Variants in SI observed in about 807,000 individuals in gnomAD.
SI encodes sucrase-isomaltase, also known as sucrase-isomaltase, intestinal.
A neutral mutation model predicts 253.3 loss-of-function variants in SI; 235 were observed. The ratio of observed to expected loss-of-function variants is 0.93; its 90% confidence interval spans 0.83 to 1.03. The LOEUF (loss-of-function observed/expected upper bound fraction) is 1.03. Ranked by LOEUF, SI falls within the 50% of genes least tolerant of loss-of-function variation. SI has a pLI of 0.00. For synonymous variants in SI, 819 were observed against 712.0 expected (o/e 1.15, Z -2.39); for missense variants, 2,442 against 2,211.1 (o/e 1.10, Z -2.09).
At chr3:165,019,845 C>A (rs1226711464) in intron 27 of SI, 75 bp from the exon 28 acceptor site, 4 of 1,275,918 alleles carry the variant, frequency 3.1e-6, no homozygotes, top group African/African-American at 1.5e-5. Context: ...AACGGTAATT[C>A]TTTCTTAGAT....
chr3:165,030,910 C>T (rs1559997957), intron 24 of SI, 43 bp from the exon 25 acceptor site: 2 of 1,408,996 alleles, frequency 1.4e-6, no homozygotes, highest in South Asian at 1.5e-5. Flanking sequence ...AAAAAAAAAA[C>T]ACAAACAAAC....
chr3:165,014,766 G>A (rs1056137183), intron 33 of SI, among the ~76,000 whole-genome samples: 2 of 151,944 alleles, frequency 1.3e-5, no homozygotes, highest in African/African-American at 4.8e-5. Context: ...ACATGTTGTT[G>A]CTACTATTAA....
At position 165,026,295 on chromosome 3, in the gene SI, A is replaced by G. The variant is rs368069857; in HGVS notation, c.2893-2519T>C. ...ACAGGAAAATATCACAATCCTAAAT[A>G]TATATGCACCTAACACTGGAGGTCC... is the stretch of plus-strand genomic sequence containing the variant. On this transcript the variant is annotated intron_variant, in intron 25 of 47. Transcript: ENST00000264382. Among the ~76,000 whole-genome samples the G allele has an allele frequency of 5.3e-5, 8 of 151,518 alleles. No homozygotes were observed. In the East Asian group the frequency reaches 1.4e-3, roughly 26 times the overall value.
intron 38 of SI, 23 bp from the exon 39 acceptor site, chr3:164,996,795 C>A: frequency 1.1e-6 from 1 of 951,752 alleles, no homozygotes; most frequent in Non-Finnish European, 1.6e-6. Context: ...GAAAAAATAT[C>A]TTAGAAAGTT....
At chr3:165,010,945 G>T (rs1049097534) in intron 34 of SI, among the ~76,000 whole-genome samples, 8 of 152,106 alleles carry the variant, frequency 5.3e-5, no homozygotes, top group African/African-American at 7.2e-5. Context: ...AGTTCAGTAG[G>T]TTCAATTATC....
the SI span, among the ~76,000 whole-genome samples, chr3:165,083,907 C>T: frequency 2.6e-5 from 4 of 151,950 alleles, no homozygotes; most frequent in Admixed American, 6.6e-5. Flanking sequence ...GAGTTTCACT[C>T]ATGCTTTGTT....
intron 3 of SI, among the ~76,000 whole-genome samples, chr3:165,072,602 C>G (rs931498427): frequency 1.3e-5 from 2 of 151,792 alleles, no homozygotes; most frequent in African/African-American, 4.8e-5. Flanking sequence ...AAAATGCTAC[C>G]TTGAAAATTC....
intron 45 of SI, among the ~76,000 whole-genome samples, chr3:164,986,147 G>A (rs76300795): frequency 0.048 from 7,335 of 152,094 alleles, 599 homozygotes; most frequent in African/African-American, 0.17. Flanking sequence ...TGTACATTTT[G>A]GGGGCTCAAA....
intron 5 of SI, 77 bp from the exon 6 acceptor site, chr3:165,067,568 C>T: frequency 8.1e-7 from 1 of 1,236,712 alleles, no homozygotes; most frequent in Non-Finnish European, 1.2e-6. Context: ...TTATTAAATG[C>T]AAGTTCCAAA....
intron 37 of SI, among the ~76,000 whole-genome samples, chr3:165,000,713 C>T (rs1559983551): frequency 6.6e-6 from 1 of 151,350 alleles, no homozygotes; most frequent in East Asian, 1.9e-4. Context: ...ATATAAAGTT[C>T]AAACACGGTA....
In SI at chr3:165,065,252, ATTTCT is replaced by A; in HGVS notation, c.807+4_807+8del. ...GATTTTATTTATAACAAGAAAAATA[ATTTCT>A]TACATCACCAGGAAGTTGGTCTCGA... is the stretch of plus-strand genomic sequence containing the variant. On this transcript the variant is annotated splice_donor_5th_base_variant and intron_variant, in intron 7 of 47. Coordinates refer to ENST00000264382, the MANE Select transcript of SI (RefSeq NM_001041.4). The A allele has an allele frequency of 6.4e-7, 1 of 1,561,732 alleles. No homozygotes were observed.
chr3:165,039,379 A>G (rs995278203), intron 19 of SI, among the ~76,000 whole-genome samples: 4 of 151,930 alleles, frequency 2.6e-5, no homozygotes, highest in African/African-American at 9.7e-5. Context: ...ATGCATGCAT[A>G]TATGTGTATT....
intron 37 of SI, among the ~76,000 whole-genome samples, chr3:165,002,411 C>A (rs182098460): frequency 5.3e-4 from 80 of 151,790 alleles, no homozygotes; most frequent in African/African-American, 1.8e-3. Context: ...CTGATTAAAT[C>A]CCATTTCTGA....
intron 2 of SI, 48 bp from the exon 3 acceptor site, chr3:165,074,715 T>C (rs1409626988): frequency 6.8e-7 from 1 of 1,469,412 alleles, no homozygotes; most frequent in East Asian, 2.3e-5. Flanking sequence ...ATTAAATTAA[T>C]TTTCTCAGAA....
chr3:165,083,108 C>T (rs1715394636), upstream of SI, among the ~76,000 whole-genome samples: 1 of 151,828 alleles, frequency 6.6e-6, no homozygotes, highest in Non-Finnish European at 1.5e-5. Context: ...ACAATATGGC[C>T]TTGTTAAAAA....
chr3:165,008,693 T>G (rs997080660), intron 35 of SI, among the ~76,000 whole-genome samples: 1 of 152,046 alleles, frequency 6.6e-6, no homozygotes, highest in Non-Finnish European at 1.5e-5. Flanking sequence ...ATAAAGCTTT[T>G]TTCAATTTAA....
Position 165,032,638 on chromosome 3 carries a change from C to T in SI, c.2620G>A (p.Ala874Thr). 1.2e-6 allele frequency: 2 copies of T among 1,608,288 alleles called. No individual in the cohort carries two copies. Among genetic ancestry groups the T allele is most frequent in the Non-Finnish European group, 1.7e-6 (2 of 1,176,034 alleles). ...CCAAGGATTTTTACAGTCTGAAATG[C>T]TAAGGTAGTTCCTTCCTGATATGAT... ...HSSYQEGTTL[A>T]FQTVKILGLT... Residue 874 changes from alanine (A) to threonine (T), a missense_variant, in exon 24 of 48, where the codon GCA becomes ACA. Physicochemically the swap from Ala to Thr is moderately conservative, Grantham distance 58. Transcript: ENST00000264382.
chr3:165,003,869 G>A (rs962421864), intron 37 of SI, among the ~76,000 whole-genome samples: 4 of 151,894 alleles, frequency 2.6e-5, no homozygotes, highest in African/African-American at 7.3e-5. Flanking sequence ...AGGGAAATAA[G>A]AAGAAATGAA....
chr3:164,988,914 C>T (rs913230410), intron 44 of SI, among the ~76,000 whole-genome samples: 4 of 151,850 alleles, frequency 2.6e-5, no homozygotes, highest in African/African-American at 9.7e-5. Flanking sequence ...CCTGGCCAGA[C>T]AATCAGTTAT....
Sources: allele counts gnomAD v4.1 joint callset (sites outside exome capture counted in the v4.1 genomes callset), GRCh38; gene constraint gnomAD v4.1.1; transcripts MANE v1.5; gene names NCBI Gene and HGNC (gene_info 2026-07-23, HGNC 2026-07-21).